FGF7: variants seen among roughly 807,000 people sequenced by gnomAD.
The protein encoded by FGF7 is FGF-7.
FGF7 carries 6 observed loss-of-function variants against 20.5 expected under a neutral mutation model. The observed-to-expected ratio is 0.29, with a 90% CI of 0.16 to 0.58. FGF7 has a LOEUF of 0.58. Among genes scored for constraint, FGF7 ranks in the 20% least tolerant of loss-of-function variants. FGF7 has a pLI of 0.90. For missense variants in FGF7, 144 were observed against 228.8 expected, an observed-to-expected ratio of 0.63 and a Z score of 2.39; for synonymous variants, 64 against 74.7, an observed-to-expected ratio of 0.86 and a Z score of 0.74.
At chr15:49,484,159 C>T (rs887146925) in intron 3 of FGF7, 151 bp from the exon 4 acceptor site, 18 of 549,784 alleles carry the variant, frequency 3.3e-5, no homozygotes, top group Non-Finnish European at 5.7e-5. Context: ...ATAAGTATAG[C>T]TAATAAACCA....
At chr15:49,481,253 C>G (rs2055916123) in intron 2 of FGF7, among the ~76,000 whole-genome samples, 1 of 152,184 alleles carries the variant, frequency 6.6e-6, no homozygotes, top group Non-Finnish European at 1.5e-5. Context: ...GCAAAAGCCA[C>G]AATTACTTTT....
At chr15:49,454,319 C>G (rs547009234) in intron 2 of FGF7, among the ~76,000 whole-genome samples, 1 of 152,220 alleles carries the variant, frequency 6.6e-6, no homozygotes, top group East Asian at 1.9e-4. Flanking sequence ...TCTCTTTTCC[C>G]CCTTTCCAGT....
At chr15:49,465,385 C>A (rs1041965892) in intron 2 of FGF7, among the ~76,000 whole-genome samples, 5 of 151,892 alleles carry the variant, frequency 3.3e-5, no homozygotes, top group African/African-American at 1.2e-4. Flanking sequence ...ATCTGCCCAC[C>A]TCGGCCTCCC....
In FGF7 at chr15:49,485,781, T is replaced by C. The variant is rs2056355276; in HGVS notation, c.*1277T>C. ...ATAAGTATTTACAGGATTTTAAAGT[T>C]AGAATATATTTGAATGCATGGGTAG... On this transcript the variant is annotated 3_prime_UTR_variant, in exon 4 of 4. Transcript: ENST00000267843. 2 of 152,376 alleles carry C rather than the reference T, an allele frequency of 1.3e-5. No homozygotes were observed. Among genetic ancestry groups the C allele is most frequent in the Admixed American group, 1.3e-4 (2 of 15,240 alleles). 9.4% of individuals were successfully genotyped at this position (152,376 alleles called of 1,614,324 possible).
chr15:49,457,560 C>T (rs981862113), intron 2 of FGF7, among the ~76,000 whole-genome samples: 4 of 151,838 alleles, frequency 2.6e-5, no homozygotes, highest in Non-Finnish European at 1.5e-5. Context: ...CCTTAGAGAA[C>T]AGAAACTTTT....
chr15:49,477,644 G>A (rs1301156399), intron 2 of FGF7, among the ~76,000 whole-genome samples: 1 of 152,190 alleles, frequency 6.6e-6, no homozygotes. Flanking sequence ...AAATAGTCAT[G>A]TTCAGGTTTT....
At chr15:49,427,810 T>C (rs1263300006) in intron 2 of FGF7, among the ~76,000 whole-genome samples, 1 of 151,834 alleles carries the variant, frequency 6.6e-6, no homozygotes, top group East Asian at 1.9e-4. Context: ...GCTTCCACAA[T>C]GTTTTGGGCT....
rs551711267 is a variant in FGF7, at chr15:49,456,899, C to T, written c.287-26252C>T. Among the ~76,000 whole-genome samples, 3 of 152,192 alleles carry T rather than the reference C, an allele frequency of 2.0e-5. No individual in the cohort carries two copies. In the East Asian group the frequency reaches 5.8e-4, roughly 29 times the overall value. ...GCAACTGTTTTTACTGTGTTAAGTG[C>T]ATTACAATTCAATCCAATTTAATTT... On this transcript the variant is annotated intron_variant, in intron 2 of 3. Transcript: ENST00000267843.
chr15:49,457,907 G>A (rs2053457979), intron 2 of FGF7, among the ~76,000 whole-genome samples: 1 of 151,906 alleles, frequency 6.6e-6, no homozygotes, highest in Non-Finnish European at 1.5e-5. Context: ...TTTAGCACAA[G>A]TTAAACATTT....
chr15:49,456,269 T>C (rs2053276644), intron 2 of FGF7, among the ~76,000 whole-genome samples: 1 of 152,130 alleles, frequency 6.6e-6, no homozygotes, highest in African/African-American at 2.4e-5. Context: ...ATGTGTTTGA[T>C]GATCATAATA....
intron 2 of FGF7, among the ~76,000 whole-genome samples, chr15:49,446,854 A>G (rs2052266142): frequency 6.6e-6 from 1 of 151,700 alleles, no homozygotes; most frequent in East Asian, 1.9e-4. Flanking sequence ...GAAAGATACA[A>G]GCAGGGGGAG....
Position 49,424,166 on chromosome 15 carries a change from A to T in FGF7, c.-132A>T. 1 of 769,616 alleles carries T rather than the reference A, an allele frequency of 1.3e-6. No individual in the cohort carries two copies. Among genetic ancestry groups the T allele is most frequent in the South Asian group, 2.1e-5 (1 of 48,728 alleles). The allele number at this position is 769,616 out of a possible 1,614,324, so 47.7% of individuals were successfully genotyped here. On this transcript the variant is annotated 5_prime_UTR_variant, in exon 2 of 4. An upstream open reading frame in the 5' UTR gains an earlier in-frame stop. Transcript: ENST00000267843. Reference sequence around the variant, plus strand: ...TAAAAGGATAAGGCTAACAATTTGGAAAGAGCAACTACTCTTTCTTAAATC... The same window carrying T: ...TAAAAGGATAAGGCTAACAATTTGGTAAGAGCAACTACTCTTTCTTAAATC...
At chr15:49,437,960 G>A (rs2899436) in intron 2 of FGF7, among the ~76,000 whole-genome samples, 134,319 of 151,336 alleles carry the variant, frequency 0.89, 61,512 homozygotes, top group Non-Finnish European at 0.99. Flanking sequence ...TCAAAGAGCA[G>A]GTGGGAGTGA....
chr15:49,427,626 C>G (rs189173734), intron 2 of FGF7, among the ~76,000 whole-genome samples: 1 of 152,136 alleles, frequency 6.6e-6, no homozygotes, highest in East Asian at 1.9e-4. Flanking sequence ...AGTCCCCAAT[C>G]TTTTCTCATG....
At chr15:49,463,683 A>G (rs2054006914) in intron 2 of FGF7, among the ~76,000 whole-genome samples, 1 of 152,212 alleles carries the variant, frequency 6.6e-6, no homozygotes, top group African/African-American at 2.4e-5. Flanking sequence ...TTAACCCCCA[A>G]ATGCCACAGT....
At chr15:49,439,985 G>A (rs139393643) in intron 2 of FGF7, among the ~76,000 whole-genome samples, 23 of 151,842 alleles carry the variant, frequency 1.5e-4, no homozygotes, top group Admixed American at 3.9e-4. Flanking sequence ...GATTCAAAGC[G>A]TTTATCACAT....
chr15:49,457,812 G>C (rs1030633468), intron 2 of FGF7, among the ~76,000 whole-genome samples: 1 of 151,840 alleles, frequency 6.6e-6, no homozygotes, highest in Non-Finnish European at 1.5e-5. Context: ...AATTTTTATA[G>C]TCATCAGTTA....
chr15:49,463,106 C>T (rs921408174), intron 2 of FGF7, among the ~76,000 whole-genome samples: 9 of 152,202 alleles, frequency 5.9e-5, no homozygotes, highest in Non-Finnish European at 8.8e-5. Flanking sequence ...CCAATCCTGA[C>T]GATTCTTGCC....
chr15:49,437,361 A>AC (rs994056383), intron 2 of FGF7, among the ~76,000 whole-genome samples: 1 of 151,684 alleles, frequency 6.6e-6, no homozygotes, highest in African/African-American at 2.4e-5. Context: ...GTGAAAAAGA[A>AC]ACAGTTTACT....
Sources: gnomAD v4.1 joint callset for allele counts (sites outside exome capture counted in the v4.1 genomes callset) on GRCh38, gnomAD v4.1.1 for gene constraint, MANE v1.5 for transcripts, NCBI Gene and HGNC (gene_info 2026-07-23, HGNC 2026-07-21) for gene names.